CALN1: variants seen among roughly 807,000 people sequenced by gnomAD.
CALN1 encodes the protein calcium-binding protein 8.
In CALN1, 17 loss-of-function variants were observed where a neutral mutation model predicts 30.6. That is an observed-to-expected ratio of 0.56 (90% CI 0.38 to 0.83). The LOEUF is 0.83. Ranked by LOEUF, CALN1 falls within the 40% of genes least tolerant of loss-of-function variation. The probability of loss-of-function intolerance (pLI) is 0.00; values close to 1 mark genes in which losing one functional copy is unlikely to be tolerated. For missense variants in CALN1, 291 were observed against 354.9 expected, an observed-to-expected ratio of 0.82 and a Z score of 1.45; for synonymous variants, 156 against 131.4, an observed-to-expected ratio of 1.19 and a Z score of -1.28.
chr7:72,148,643 G>C (rs1192051023), intron 3 of CALN1, among the ~76,000 whole-genome samples: 1 of 150,242 alleles, frequency 6.7e-6, no homozygotes, highest in Non-Finnish European at 1.5e-5. Flanking sequence ...GGTGGCTCAC[G>C]CCTGTAATCC....
intron 5 of CALN1, among the ~76,000 whole-genome samples, chr7:72,019,974 G>A (rs1800612698): frequency 6.6e-6 from 1 of 152,164 alleles, no homozygotes; most frequent in Non-Finnish European, 1.5e-5. Context: ...AAGTAGGATG[G>A]TCTTCTTTCA....
At chr7:72,023,386 TC>T (rs776566082) in intron 5 of CALN1, among the ~76,000 whole-genome samples, 1 of 151,964 alleles carries the variant, frequency 6.6e-6, no homozygotes, top group African/African-American at 2.4e-5. Context: ...CTTTGAAGTG[TC>T]CCCAGGAAAA....
intron 3 of CALN1, among the ~76,000 whole-genome samples, chr7:72,235,516 C>T (rs1387272941): frequency 6.6e-6 from 1 of 152,010 alleles, no homozygotes; most frequent in African/African-American, 2.4e-5. Context: ...CAAATGAAAT[C>T]CTTCACAGCC....
chr7:72,399,860 G>A (rs938929709), intron 2 of CALN1, among the ~76,000 whole-genome samples: 5 of 152,072 alleles, frequency 3.3e-5, no homozygotes, highest in Admixed American at 6.6e-5. Flanking sequence ...TGAATGCCTG[G>A]GCACCCTTCC....
intron 3 of CALN1, among the ~76,000 whole-genome samples, chr7:72,264,086 A>T (rs1474942589): frequency 6.6e-6 from 1 of 152,190 alleles, no homozygotes. Context: ...CACACGACCG[A>T]GCCAAAACTA....
intron 2 of CALN1, among the ~76,000 whole-genome samples, chr7:72,382,781 G>A (rs929853333): frequency 1.3e-5 from 2 of 152,068 alleles, no homozygotes; most frequent in South Asian, 2.1e-4. Context: ...CCATGTTGCT[G>A]TAAAGGACAG....
At position 72,285,081 on chromosome 7, in the gene CALN1, T is replaced by C. The variant is rs1044579122; in HGVS notation, c.120-6271A>G. 7.9e-5 allele frequency among the ~76,000 whole-genome samples: 12 copies of C among 152,232 alleles called. No individual in the cohort carries two copies. The East Asian group carries it at 9.7e-4, about 12-fold the overall frequency. ...TAGACCACTGCAAATTGCATAGCAT[T>C]TGTTGCTGGTCTGCAGTGAGATAAG... On this transcript the variant is annotated intron_variant, in intron 2 of 6. Coordinates refer to ENST00000395275, the MANE Select transcript of CALN1 (RefSeq NM_031468.4).
At chr7:71,856,203 A>G (rs997794290) in intron 5 of CALN1, among the ~76,000 whole-genome samples, 2 of 151,608 alleles carry the variant, frequency 1.3e-5, no homozygotes, top group African/African-American at 4.8e-5. Flanking sequence ...GTAAATATAC[A>G]TATATATTTA....
At chr7:72,071,726 T>C (rs1163508400) in intron 4 of CALN1, among the ~76,000 whole-genome samples, 1 of 152,162 alleles carries the variant, frequency 6.6e-6, no homozygotes, top group Non-Finnish European at 1.5e-5. Flanking sequence ...TCACAAGACA[T>C]ACAAAGAAAC....
At chr7:72,063,212 C>A (rs994013925) in intron 4 of CALN1, among the ~76,000 whole-genome samples, 3 of 152,086 alleles carry the variant, frequency 2.0e-5, no homozygotes, top group African/African-American at 4.8e-5. Context: ...ATTCACAGAA[C>A]GGTACACCCT....
intron 5 of CALN1, among the ~76,000 whole-genome samples, chr7:71,863,110 G>C (rs562738426): frequency 1.3e-5 from 2 of 150,708 alleles, no homozygotes; most frequent in Non-Finnish European, 3.0e-5. Flanking sequence ...AAATTAAAAA[G>C]TTAGCCAGGC....
intron 3 of CALN1, among the ~76,000 whole-genome samples, chr7:72,189,052 G>A (rs931631523): frequency 2.6e-4 from 40 of 152,188 alleles, no homozygotes; most frequent in African/African-American, 8.4e-4. Flanking sequence ...CTGCAAAGTG[G>A]ACCCTTGGAT....
intron 2 of CALN1, among the ~76,000 whole-genome samples, chr7:72,385,556 T>C (rs1235360012): frequency 2.0e-5 from 3 of 151,684 alleles, no homozygotes; most frequent in Non-Finnish European, 2.9e-5. Context: ...CACAGGAAAA[T>C]GGAATACTAT....
chr7:71,916,852 G>C (rs925542474), intron 5 of CALN1, among the ~76,000 whole-genome samples: 5 of 152,136 alleles, frequency 3.3e-5, no homozygotes, highest in Non-Finnish European at 5.9e-5. Context: ...AAGTAGCATA[G>C]GTTCTGAACA....
intron 2 of CALN1, among the ~76,000 whole-genome samples, chr7:72,393,016 C>T (rs1159431702): frequency 6.6e-6 from 1 of 151,858 alleles, no homozygotes; most frequent in Non-Finnish European, 1.5e-5. Context: ...AAAATTAATA[C>T]AAACACCAGG....
At chr7:72,053,022 G>C (rs948115846) in intron 4 of CALN1, among the ~76,000 whole-genome samples, 3 of 152,188 alleles carry the variant, frequency 2.0e-5, no homozygotes, top group African/African-American at 7.2e-5. Flanking sequence ...CTGAGGACAG[G>C]AGTTCAAGAC....
chr7:71,906,933 T>A (rs1794169393), intron 5 of CALN1, among the ~76,000 whole-genome samples: 1 of 152,122 alleles, frequency 6.6e-6, no homozygotes, highest in Admixed American at 6.5e-5. Context: ...GGTCTGCAGC[T>A]CTGTTTTACG....
intron 1 of CALN1, among the ~76,000 whole-genome samples, chr7:72,439,031 C>A (rs991189059): frequency 2.6e-5 from 4 of 152,252 alleles, no homozygotes; most frequent in Non-Finnish European, 5.9e-5. Flanking sequence ...TGAAAATCTG[C>A]ATACGACTTT....
intron 2 of CALN1, among the ~76,000 whole-genome samples, 186 bp downstream of exon 2, chr7:72,403,065 T>A (rs923933079): frequency 6.6e-6 from 1 of 152,092 alleles, no homozygotes; most frequent in Non-Finnish European, 1.5e-5. Context: ...ACATCTCAAA[T>A]AGGCTCAAGA....
Sources: gnomAD v4.1 joint callset for allele counts (sites outside exome capture counted in the v4.1 genomes callset) on GRCh38, gnomAD v4.1.1 for gene constraint, MANE v1.5 for transcripts, NCBI Gene and HGNC (gene_info 2026-07-23, HGNC 2026-07-21) for gene names.